CREBBP: variants seen among roughly 807,000 people sequenced by gnomAD.
CREBBP encodes the protein CREB binding lysine acetyltransferase.
A neutral mutation model predicts 265.0 loss-of-function variants in CREBBP; 19 were observed. The observed-to-expected ratio is 0.07, with a 90% confidence interval of 0.05 to 0.11. The LOEUF (loss-of-function observed/expected upper bound fraction) is 0.11, where lower values mean the gene tolerates loss of function less well. Ranked by LOEUF, CREBBP falls within the 10% of genes least tolerant of loss-of-function variation. CREBBP has a pLI of 1.00. For synonymous variants in CREBBP, 1,457 were observed against 1,223.7 expected, an observed-to-expected ratio of 1.19 and a Z score of -3.98; for missense variants, 2,525 against 3,219.0, an observed-to-expected ratio of 0.78 and a Z score of 5.22.
At chr16:3,746,950 C>A (rs796173705) in intron 21 of CREBBP, among the ~76,000 whole-genome samples, 4 of 152,134 alleles carry the variant, frequency 2.6e-5, no homozygotes, top group African/African-American at 9.6e-5. Context: ...GTTTCAAAAA[C>A]AACAAACAAA....
Position 3,727,625 on chromosome 16 carries a change from G to T in CREBBP, c.*93C>A. The T allele has an allele frequency of 6.2e-7, 1 of 1,608,224 alleles. No individual in the cohort carries two copies. Among genetic ancestry groups the T allele is most frequent in the South Asian group, 1.1e-5 (1 of 90,436 alleles). ...ACCCTTCCATGGCTCGGAAGTCGCA[G>T]TTCCATCTAGGAATAAAAAGAACCT... On this transcript the variant is annotated 3_prime_UTR_variant, in exon 31 of 31. Coordinates refer to ENST00000262367, the MANE Select transcript of CREBBP (RefSeq NM_004380.3).
chr16:3,849,433 G>GA (rs2054754803), intron 2 of CREBBP, among the ~76,000 whole-genome samples: 4 of 14,332 alleles, frequency 2.8e-4, no homozygotes, highest in African/African-American at 5.2e-4. Context: ...GTGTGTGTGT[G>GA]TGTGTGTGTG....
intron 2 of CREBBP, among the ~76,000 whole-genome samples, chr16:3,843,459 T>C (rs140866320): frequency 1.8e-3 from 277 of 151,026 alleles, no homozygotes; most frequent in Non-Finnish European, 2.4e-3. Context: ...TCTCACTCTG[T>C]TGGTATGCTT....
At chr16:3,761,050 G>A (rs570552508) in intron 16 of CREBBP, among the ~76,000 whole-genome samples, 1 of 151,864 alleles carries the variant, frequency 6.6e-6, no homozygotes, top group African/African-American at 2.4e-5. Context: ...CGCCTCCCGG[G>A]TTCAAGCGAT....
Position 3,802,114 on chromosome 16 carries a change from A to ATTTTTT in CREBBP, c.975+8483_975+8488dup, listed in dbSNP as rs71133657. On this transcript the variant is annotated intron_variant, in intron 3 of 30. Coordinates refer to ENST00000262367, the MANE Select transcript of CREBBP (RefSeq NM_004380.3). ...TTTATATTTACTCTGGTATTCCTTA[A>ATTTTTT]TTTTTTTTTTTTTTTTTTTTTTTTT... Among the ~76,000 whole-genome samples the ATTTTTT allele has an allele frequency of 6.1e-3, 310 of 50,628 alleles. 39 individuals are homozygous for ATTTTTT. Among genetic ancestry groups the ATTTTTT allele is most frequent in the African/African-American group, 8.5e-3 (92 of 10,792 alleles). 33.2% of individuals were successfully genotyped at this position (50,628 alleles called of 152,430 possible).
chr16:3,797,001 T>C (rs1035962458), intron 3 of CREBBP, among the ~76,000 whole-genome samples: 2 of 152,156 alleles, frequency 1.3e-5, no homozygotes, highest in Admixed American at 6.5e-5. Flanking sequence ...CACACTTAAT[T>C]TCCTCCTCTC....
chr16:3,855,992 C>G lies in CREBBP; in HGVS notation c.86-4983G>C, dbSNP rs571424353. 4.6e-5 allele frequency among the ~76,000 whole-genome samples: 7 copies of G among 152,286 alleles called. No individual in the cohort carries two copies. The East Asian group carries it at 1.4e-3, about 29-fold the overall frequency. The stretch of plus-strand genomic sequence containing the variant: ...ATAAACGTTTGAGGTGGTAGATATC[C>G]TAATTACTATGATTTGCTCATTATG... On this transcript the variant is annotated intron_variant, in intron 1 of 30. Coordinates refer to ENST00000262367, the MANE Select transcript of CREBBP (RefSeq NM_004380.3).
chr16:3,828,322 C>T (rs2054278999), intron 2 of CREBBP, among the ~76,000 whole-genome samples: 1 of 152,124 alleles, frequency 6.6e-6, no homozygotes, highest in Admixed American at 6.6e-5. Flanking sequence ...GAACTCACGA[C>T]GTCAGGTGAT....
chr16:3,760,527 C>T (rs918168309), intron 16 of CREBBP, among the ~76,000 whole-genome samples: 8 of 150,558 alleles, frequency 5.3e-5, no homozygotes, highest in African/African-American at 1.7e-4. Flanking sequence ...CTCAGCCTCC[C>T]GAGTAGCTGG....
chr16:3,736,476 C>T (rs2052064527), intron 27 of CREBBP, 174 bp downstream of exon 27: 11 of 986,820 alleles, frequency 1.1e-5, no homozygotes, highest in Admixed American at 4.2e-5. Context: ...CAGGGGAAAG[C>T]CTCAATCAGC....
In CREBBP at chr16:3,868,750, C is replaced by T. The variant is rs146393779; in HGVS notation, c.85+11082G>A. Among the ~76,000 whole-genome samples the T allele has an allele frequency of 1.8e-3, 275 of 152,280 alleles. 1 individual carries two copies. Among genetic ancestry groups the T allele is most frequent in the Admixed American group, 7.1e-3 (109 of 15,300 alleles). Reference sequence around the variant, plus strand: ...GCTGAGTGTGAAATGCTATAGGCCACGGTGGGCACCACGGGACTGCTCACC... The same window carrying T: ...GCTGAGTGTGAAATGCTATAGGCCATGGTGGGCACCACGGGACTGCTCACC... On this transcript the variant is annotated intron_variant, in intron 1 of 30. Transcript: ENST00000262367.
intron 5 of CREBBP, among the ~76,000 whole-genome samples, chr16:3,786,679 G>A (rs1785913395): frequency 6.6e-6 from 1 of 152,206 alleles, no homozygotes. Context: ...GTATGGGGAA[G>A]GCCAGCTGTA....
chr16:3,732,764 G>A (rs534640114), intron 28 of CREBBP, among the ~76,000 whole-genome samples: 1 of 151,734 alleles, frequency 6.6e-6, no homozygotes, highest in African/African-American at 2.4e-5. Context: ...GCAATAACGC[G>A]ATCTCGGCTC....
intron 1 of CREBBP, among the ~76,000 whole-genome samples, chr16:3,858,385 T>C (rs2055005955): frequency 6.6e-6 from 1 of 152,228 alleles, no homozygotes; most frequent in African/African-American, 2.4e-5. Context: ...AGCCCCAGAT[T>C]ATTTGTACTG....
chr16:3,790,822 G>C (rs2053491293), intron 5 of CREBBP, among the ~76,000 whole-genome samples: 1 of 152,150 alleles, frequency 6.6e-6, no homozygotes, highest in Non-Finnish European at 1.5e-5. Context: ...AGGTGGGCTG[G>C]ACTCAGTAAA....
chr16:3,739,742 G>A lies in CREBBP; in HGVS notation c.4134-18C>T, dbSNP rs2151337778. The A allele has an allele frequency of 5.0e-6, 8 of 1,614,226 alleles. No individual in the cohort carries two copies. Among genetic ancestry groups the A allele is most frequent in the South Asian group, 1.1e-5 (1 of 91,086 alleles). ...CCACAAACCTGAAACAAAAGCCAGA[G>A]CCGGACATTTACAAAGGCTGTTGCT... is the stretch of plus-strand genomic sequence containing the variant. On this transcript the variant is annotated intron_variant, in intron 24 of 30. Transcript: ENST00000262367.
At chr16:3,823,966 ACAC>A (rs2054190683) in intron 2 of CREBBP, among the ~76,000 whole-genome samples, 2 of 147,284 alleles carry the variant, frequency 1.4e-5, no homozygotes, top group South Asian at 2.2e-4. Flanking sequence ...CAACACACAC[ACAC>A]ACACACACAC....
At chr16:3,746,350 G>T (rs2052341859) in intron 21 of CREBBP, among the ~76,000 whole-genome samples, 1 of 148,408 alleles carries the variant, frequency 6.7e-6, no homozygotes, top group Non-Finnish European at 1.5e-5. Flanking sequence ...ACAGATCTGT[G>T]AAAAAAAAAA....
chr16:3,837,325 T>C (rs1272592969), intron 2 of CREBBP, among the ~76,000 whole-genome samples: 1 of 152,076 alleles, frequency 6.6e-6, no homozygotes, highest in African/African-American at 2.4e-5. Flanking sequence ...TTTAAAAAAT[T>C]AAAGAACTGG....
Sources: allele counts gnomAD v4.1 joint callset (sites outside exome capture counted in the v4.1 genomes callset), GRCh38; gene constraint gnomAD v4.1.1; transcripts MANE v1.5; gene names NCBI Gene and HGNC (gene_info 2026-07-23, HGNC 2026-07-21).